The following RALGAPA2 variants were observed in gnomAD, a reference collection of about 807,000 sequenced individuals.
The protein encoded by RALGAPA2 is ral GTPase-activating protein subunit alpha-2.
Under a neutral mutation model 230.4 loss-of-function variants are expected in RALGAPA2, and 139 were observed. The ratio of observed to expected loss-of-function variants is 0.60; its 90% CI spans 0.53 to 0.69. The LOEUF (loss-of-function observed/expected upper bound fraction) is 0.69. Ranked by LOEUF, RALGAPA2 falls within the 30% of genes least tolerant of loss-of-function variation. The pLI is 0.00. For synonymous variants in RALGAPA2, 847 were observed against 837.8 expected (o/e 1.01, Z -0.19); for missense variants, 2,163 against 2,276.0 (o/e 0.95, Z 1.01).
At chr20:20,479,362 TCA>T (rs2061722067) in intron 36 of RALGAPA2, among the ~76,000 whole-genome samples, 2 of 152,264 alleles carry the variant, frequency 1.3e-5, no homozygotes, top group Non-Finnish European at 1.5e-5. Flanking sequence ...GGGGCCAATC[TCA>T]CTTATGAACA....
rs2062503432 is a variant in RALGAPA2 at position 20,505,443 on chromosome 20, A to G, written c.5020T>C (p.Tyr1674His). Reference protein sequence around the residue: ...ILSNERGSQAYEDFVAGLGWE... With the variant: ...ILSNERGSQAHEDFVAGLGWE... ...CCAAGTCCAGCAACAAAGTCTTCAT[A>G]TGCTTGGCTTCCTCTTTCATTAGAG... The change falls in exon 34 of 40, where the codon TAT becomes CAT. Residue 1674 changes from tyrosine to histidine, a missense_variant. Transcript: ENST00000202677. The G allele has an allele frequency of 6.2e-7, 1 of 1,601,966 alleles. No individual in the cohort carries two copies. The highest frequency in any genetic ancestry group is 8.5e-7 in the Non-Finnish European group (1 of 1,173,552).
At chr20:20,507,009 T>C (rs1265461775) in intron 33 of RALGAPA2, among the ~76,000 whole-genome samples, 1 of 152,222 alleles carries the variant, frequency 6.6e-6, no homozygotes, top group East Asian at 1.9e-4. Flanking sequence ...GCAAAGAACA[T>C]AGCCGTTACA....
At chr20:20,635,734 A>C (rs2066836526) in intron 8 of RALGAPA2, 117 bp from the exon 9 acceptor site, 2 of 863,690 alleles carry the variant, frequency 2.3e-6, no homozygotes, top group Non-Finnish European at 3.5e-6. Context: ...ATAGCAACTA[A>C]GAATGAAGAA....
intron 4 of RALGAPA2, 69 bp from the exon 5 acceptor site, chr20:20,643,618 A>G: frequency 1.6e-6 from 2 of 1,281,916 alleles, no homozygotes; most frequent in African/African-American, 1.5e-5. Context: ...TTTTAAGAAA[A>G]TATGTACTTA....
chr20:20,432,695 GA>G (rs1019971173), intron 37 of RALGAPA2, among the ~76,000 whole-genome samples: 2 of 150,006 alleles, frequency 1.3e-5, no homozygotes, highest in African/African-American at 4.9e-5. Context: ...ACATACATGG[GA>G]AAACAAAAAA....
At chr20:20,494,042 G>C (rs527829360) in intron 36 of RALGAPA2, among the ~76,000 whole-genome samples, 14 of 152,218 alleles carry the variant, frequency 9.2e-5, no homozygotes, top group African/African-American at 3.4e-4. Context: ...TCTCTCCATA[G>C]TAGTAATAAC....
chr20:20,579,631 A>AT (rs1258874654), intron 20 of RALGAPA2, among the ~76,000 whole-genome samples: 1 of 152,064 alleles, frequency 6.6e-6, no homozygotes, highest in South Asian at 2.1e-4. Flanking sequence ...ATGGTTAGCT[A>AT]TTTTTTAAAA....
At chr20:20,403,323 G>A (rs949208229) in intron 38 of RALGAPA2, among the ~76,000 whole-genome samples, 2 of 152,200 alleles carry the variant, frequency 1.3e-5, no homozygotes, top group African/African-American at 4.8e-5. Flanking sequence ...CACTTTCGTG[G>A]GCTTTATGAG....
rs140180789 is a variant in RALGAPA2 at position 20,663,238 on chromosome 20, C to G, written c.271-9651G>C. Among the ~76,000 whole-genome samples the G allele has an allele frequency of 2.0e-5, 3 of 152,202 alleles. No individual in the cohort carries two copies. In the East Asian group the frequency reaches 5.8e-4, roughly 29 times the overall value. ...TAGGCAGAAAAGAGATAAAAGAGCACCAGCACAAAATATACAGAGCCACAG... is the reference window on the plus strand; with the variant it reads ...TAGGCAGAAAAGAGATAAAAGAGCAGCAGCACAAAATATACAGAGCCACAG... On this transcript the variant is annotated intron_variant, in intron 3 of 39. Coordinates refer to ENST00000202677, the MANE Select transcript of RALGAPA2 (RefSeq NM_020343.4).
intron 38 of RALGAPA2, among the ~76,000 whole-genome samples, chr20:20,397,825 T>C (rs2122634495): frequency 6.6e-6 from 1 of 152,326 alleles, no homozygotes; most frequent in South Asian, 2.1e-4. Flanking sequence ...ATGAAAATTG[T>C]CCCTTTCTCC....
At position 20,536,792 on chromosome 20, in the gene RALGAPA2, TAAGG is replaced by T. The variant is rs1455216361; in HGVS notation, c.3286-12_3286-9del. On this transcript the variant is annotated splice_polypyrimidine_tract_variant and intron_variant, in intron 24 of 39. Coordinates refer to ENST00000202677, the MANE Select transcript of RALGAPA2 (RefSeq NM_020343.4). ...AGCCTCTGAACGAGGCGCCTGCACA[TAAGG>T]AAGAGGAGCACACACATTTCTCTTT... 9 of 1,609,772 alleles carry T rather than the reference TAAGG, an allele frequency of 5.6e-6. No homozygotes were observed. The Admixed American group carries it at 1.0e-4, about 18-fold the overall frequency.
At chr20:20,474,340 AG>A (rs1346644479) in intron 36 of RALGAPA2, among the ~76,000 whole-genome samples, 26 of 152,328 alleles carry the variant, frequency 1.7e-4, no homozygotes, top group Non-Finnish European at 2.5e-4. Context: ...GCAGGTCACA[AG>A]GGGTGCTTTA....
At chr20:20,411,746 C>A (rs2060064415) in intron 38 of RALGAPA2, among the ~76,000 whole-genome samples, 1 of 152,176 alleles carries the variant, frequency 6.6e-6, no homozygotes, top group Non-Finnish European at 1.5e-5. Context: ...CAGCAAGAAA[C>A]CCACACTCCT....
At chr20:20,658,667 C>T (rs1010180590) in intron 3 of RALGAPA2, among the ~76,000 whole-genome samples, 2 of 152,200 alleles carry the variant, frequency 1.3e-5, no homozygotes, top group African/African-American at 4.8e-5. Flanking sequence ...CTGATCAGCA[C>T]ATCAGGGAAT....
At chr20:20,557,520 C>T (rs1042343109) in intron 23 of RALGAPA2, among the ~76,000 whole-genome samples, 4 of 152,156 alleles carry the variant, frequency 2.6e-5, no homozygotes, top group African/African-American at 9.7e-5. Context: ...AAAAGAAACA[C>T]TTGAGTGAAA....
chr20:20,499,934 C>T (rs1188692217), intron 35 of RALGAPA2, among the ~76,000 whole-genome samples: 2 of 152,052 alleles, frequency 1.3e-5, no homozygotes, highest in Non-Finnish European at 2.9e-5. Flanking sequence ...ACAGATATTG[C>T]AATAAAGCAA....
At chr20:20,606,216 T>C (rs1603037979) in intron 14 of RALGAPA2, among the ~76,000 whole-genome samples, 1 of 152,102 alleles carries the variant, frequency 6.6e-6, no homozygotes, top group Non-Finnish European at 1.5e-5. Flanking sequence ...CATCTCCACT[T>C]CCTCATCCCC....
intron 37 of RALGAPA2, 74 bp from the exon 38 acceptor site, chr20:20,412,222 TACC>T (rs1192128467): frequency 1.3e-6 from 2 of 1,574,182 alleles, no homozygotes; most frequent in Non-Finnish European, 8.7e-7. Context: ...TCACTTTTAA[TACC>T]GTTGTGCAAT....
In RALGAPA2 at chr20:20,572,986, C is replaced by T. The variant is rs114610179; in HGVS notation, c.2790G>A (p.Val930=). ...GGATCCCCAAGACCCTTCGCCATAA[C>T]ACAGCAGCAGAGTCTGGGTGCCAAC... ...LTGWHPDSAA[V]LWRRVLGILG... The change falls in exon 21 of 40, where the codon GTG becomes GTA. Residue 930 remains valine, a synonymous_variant. Transcript: ENST00000202677. The T allele has an allele frequency of 9.1e-4, 1,461 of 1,609,474 alleles. 13 individuals carry two copies. The African/African-American group carries it at 0.017, about 19-fold the overall frequency.
Sources: allele counts gnomAD v4.1 joint callset (sites outside exome capture counted in the v4.1 genomes callset), GRCh38; gene constraint gnomAD v4.1.1; transcripts MANE v1.5; gene names NCBI Gene and HGNC (gene_info 2026-07-23, HGNC 2026-07-21).